Variants in IKBKB observed in about 807,000 individuals in gnomAD.
IKBKB encodes the protein inhibitor of nuclear factor kappa B kinase subunit beta.
In IKBKB, 42 loss-of-function variants were observed where a neutral mutation model predicts 113.6. That is an observed-to-expected ratio of 0.37 (90% CI 0.29 to 0.48). IKBKB has a LOEUF of 0.48. Among genes scored for constraint, IKBKB ranks in the 20% least tolerant of loss-of-function variants. IKBKB has a pLI of 0.99. For synonymous variants in IKBKB, 296 were observed against 361.3 expected, an observed-to-expected ratio of 0.82 and a Z score of 2.05; for missense variants, 673 against 939.7, an observed-to-expected ratio of 0.72 and a Z score of 3.71.
rs1819312134 is a variant in IKBKB, at chr8:42,319,274, A to C, written c.1369A>C (p.Asn457His). 2 of 1,614,078 alleles carry C rather than the reference A, an allele frequency of 1.2e-6. 1 individual carries two copies. Among genetic ancestry groups the C allele is most frequent in the African/African-American group, 2.7e-5 (2 of 75,034 alleles). ...LQQGQRAAMM[N>H]LLRNNSCLSK... ...TGTTCCTTGTGGTCCCTGCAGGATGAATCTCCTCCGAAACAACAGCTGCCT... is the reference window on the plus strand; with the variant it reads ...TGTTCCTTGTGGTCCCTGCAGGATGCATCTCCTCCGAAACAACAGCTGCCT... Residue 457 changes from asparagine (N) to histidine (H), a missense_variant, in exon 14 of 22, where the codon AAT becomes CAT. Physicochemically the swap from Asn to His is moderately conservative, Grantham distance 68. Around this residue, in one of 2 missense-constraint regions of IKBKB, gnomAD observed 506 missense variants for 638.7 expected, o/e 0.79. Transcript: ENST00000520810.
intron 8 of IKBKB, chr8:42,309,367 A>C: frequency 2.7e-6 from 1 of 366,798 alleles, no homozygotes; most frequent in Middle Eastern, 3.6e-4. Context: ...AAACAAATAA[A>C]ACACGTGTAC....
chr8:42,279,996 G>A (rs1299997813), intron 2 of IKBKB, among the ~76,000 whole-genome samples: 1 of 152,108 alleles, frequency 6.6e-6, no homozygotes, highest in African/African-American at 2.4e-5. Flanking sequence ...CTACAGGCGT[G>A]AGACACCACG....
At chr8:42,317,938 AAG>A (rs750455246) in intron 12 of IKBKB, among the ~76,000 whole-genome samples, 167 bp downstream of exon 12, 2 of 152,242 alleles carry the variant, frequency 1.3e-5, no homozygotes, top group Non-Finnish European at 1.5e-5. Context: ...GTAGCCAGGC[AAG>A]AGAGAGTACA....
intron 12 of IKBKB, 37 bp from the exon 13 acceptor site, chr8:42,318,515 G>C (rs1174132599): frequency 6.2e-7 from 1 of 1,604,286 alleles, no homozygotes; most frequent in Middle Eastern, 1.7e-4. Context: ...AGTTATTGTG[G>C]TTATTCTTTG....
rs2130744867 is a variant in IKBKB, at chr8:42,331,117, G to A, written c.*138G>A. 4 of 1,299,078 alleles carry A rather than the reference G, an allele frequency of 3.1e-6. No homozygotes were observed. Among genetic ancestry groups the A allele is most frequent in the Non-Finnish European group, 4.3e-6 (4 of 930,530 alleles). The allele number at this position is 1,299,078 out of a possible 1,614,324, so 80.5% of individuals were successfully genotyped here. A position where few individuals can be genotyped will look rare whatever the true frequency, so the allele number is the denominator to read the frequency against. On this transcript the variant is annotated 3_prime_UTR_variant, in exon 22 of 22. Transcript: ENST00000520810. Reference sequence around the variant, plus strand: ...TGCCTGGCCGCGGCTCTCACATGGTGGTTCCTGCTGCACTGATGGCCCAGG... The same window carrying A: ...TGCCTGGCCGCGGCTCTCACATGGTAGTTCCTGCTGCACTGATGGCCCAGG...
At position 42,317,867 on chromosome 8, in the gene IKBKB, G is replaced by A. The variant is rs17875715; in HGVS notation, c.1240+96G>A. The A allele has an allele frequency of 4.5e-3, 3,985 of 878,902 alleles. 28 individuals are homozygous for A. The highest frequency in any genetic ancestry group is 0.01 in the Middle Eastern group (47 of 4,594). 54.4% of individuals were successfully genotyped at this position (878,902 alleles called of 1,614,324 possible). A position where few individuals can be genotyped will look rare whatever the true frequency, so the allele number is the denominator to read the frequency against. ...ACTGGACTAAGGAAGGGGGAGCCAC[G>A]TAAAGGAAATTAATATCGCCAGTCC... On this transcript the variant is annotated intron_variant, in intron 12 of 21. Transcript: ENST00000520810.
chr8:42,278,254 G>A (rs906402659), intron 2 of IKBKB, among the ~76,000 whole-genome samples: 43 of 152,344 alleles, frequency 2.8e-4, no homozygotes, highest in Admixed American at 2.7e-3. Context: ...CAGCGTGGCC[G>A]GAAGGGAGGA....
rs1563379628 is a variant in IKBKB at position 42,330,995 on chromosome 8, C to A, written c.*16C>A. On this transcript the variant is annotated 3_prime_UTR_variant, in exon 22 of 22. Coordinates refer to ENST00000520810, the MANE Select transcript of IKBKB (RefSeq NM_001556.3). Reference sequence around the variant, plus strand: ...GGCCTCATGATGTGGGGGGACTCGACCCCCTGACATGGGGCAGCCCATAGC... The same window carrying A: ...GGCCTCATGATGTGGGGGGACTCGAACCCCTGACATGGGGCAGCCCATAGC... 3.1e-6 allele frequency: 5 copies of A among 1,602,932 alleles called. No homozygotes were observed. The highest frequency in any genetic ancestry group is 4.3e-6 in the Non-Finnish European group (5 of 1,171,964).
intron 2 of IKBKB, among the ~76,000 whole-genome samples, chr8:42,275,065 CAG>C (rs1172258288): frequency 1.3e-5 from 2 of 151,796 alleles, no homozygotes; most frequent in African/African-American, 4.8e-5. Flanking sequence ...TTAGTAGAGA[CAG>C]GGTTTTACCA....
Position 42,271,334 on chromosome 8 carries a change from C to A in IKBKB, c.-154C>A, listed in dbSNP as rs2272731. On this transcript the variant is annotated 5_prime_UTR_variant, in exon 1 of 22. Coordinates refer to ENST00000520810, the MANE Select transcript of IKBKB (RefSeq NM_001556.3). ...CAGAGCAGGAAGTGTTTGAGGAAGTCGCGCCGCGCTGCCCGCGTTAAGATT... is the reference window on the plus strand; with the variant it reads ...CAGAGCAGGAAGTGTTTGAGGAAGTAGCGCCGCGCTGCCCGCGTTAAGATT... 1 of 1,151,778 alleles carries A rather than the reference C, an allele frequency of 8.7e-7. No individual in the cohort carries two copies. Among genetic ancestry groups the A allele is most frequent in the Non-Finnish European group, 1.3e-6 (1 of 796,518 alleles). 71.3% of individuals were successfully genotyped at this position (1,151,778 alleles called of 1,614,324 possible).
intron 3 of IKBKB, among the ~76,000 whole-genome samples, chr8:42,289,131 C>A (rs950030035): frequency 6.6e-6 from 1 of 152,176 alleles, no homozygotes; most frequent in East Asian, 1.9e-4. Flanking sequence ...AGGAGAATGG[C>A]GTGAACCCAG....
At chr8:42,282,025 C>G (rs1303100155) in intron 2 of IKBKB, among the ~76,000 whole-genome samples, 1 of 152,184 alleles carries the variant, frequency 6.6e-6, no homozygotes, top group Non-Finnish European at 1.5e-5. Flanking sequence ...TTTTTTACAC[C>G]TTATGACACA....
At chr8:42,327,837 T>C in intron 20 of IKBKB, among the ~76,000 whole-genome samples, 1 of 6,852 alleles carries the variant, frequency 1.5e-4, no homozygotes, top group African/African-American at 1.8e-4. Flanking sequence ...GGAGTCTCGC[T>C]CTGTTGCCCA....
intron 8 of IKBKB, among the ~76,000 whole-genome samples, chr8:42,312,577 T>C (rs1465652187): frequency 6.6e-6 from 1 of 152,272 alleles, no homozygotes; most frequent in African/African-American, 2.4e-5. Flanking sequence ...AAAGCCACTT[T>C]GAAATATATT....
intron 5 of IKBKB, chr8:42,298,324 C>G: frequency 1.0e-6 from 1 of 985,430 alleles, no homozygotes; most frequent in Non-Finnish European, 1.2e-6. Flanking sequence ...GTGACACCAT[C>G]CTGTGCTCCA....
rs902449262 is a variant in IKBKB, at chr8:42,272,014, T to C, written c.-18-69T>C. 3 of 1,486,588 alleles carry C rather than the reference T, an allele frequency of 2.0e-6. No individual in the cohort carries two copies. In the African/African-American group the frequency reaches 4.2e-5, roughly 21 times the overall value. 92.1% of individuals were successfully genotyped at this position (1,486,588 alleles called of 1,614,324 possible). A position where few individuals can be genotyped will look rare whatever the true frequency, so the allele number is the denominator to read the frequency against. On this transcript the variant is annotated intron_variant, in intron 1 of 21. Coordinates refer to ENST00000520810, the MANE Select transcript of IKBKB (RefSeq NM_001556.3). ...TCAAGAGCAGTGGTATCTCTTGCCT[T>C]CTCCATCCCTTTGAGCTCCATTTTT...
At chr8:42,295,037 T>G (rs1205935174) in intron 5 of IKBKB, among the ~76,000 whole-genome samples, 1 of 152,172 alleles carries the variant, frequency 6.6e-6, no homozygotes, top group Non-Finnish European at 1.5e-5. Context: ...TTATTTTTTT[T>G]TTGGATGTTT....
rs552663238 is a variant in IKBKB, at chr8:42,273,155, A to G, written c.105+950A>G. On this transcript the variant is annotated intron_variant, in intron 2 of 21. Coordinates refer to ENST00000520810, the MANE Select transcript of IKBKB (RefSeq NM_001556.3). Reference sequence around the variant, plus strand: ...TTAAATGTCGGGTGCAGTGGCTTACACCTGTAATCCCAGCACTTTGGGAGG... The same window carrying G: ...TTAAATGTCGGGTGCAGTGGCTTACGCCTGTAATCCCAGCACTTTGGGAGG... 2.0e-3 allele frequency among the ~76,000 whole-genome samples: 298 copies of G among 151,932 alleles called. 3 individuals are homozygous for G. In the Middle Eastern group the frequency reaches 0.024, roughly 12 times the overall value.
intron 13 of IKBKB, 125 bp from the exon 14 acceptor site, chr8:42,319,145 A>G (rs769433894): frequency 1.5e-4 from 124 of 848,770 alleles, no homozygotes; most frequent in Non-Finnish European, 2.2e-4. Flanking sequence ...TGCTATAATA[A>G]TAGTGATGAT....
Sources: allele counts gnomAD v4.1 joint callset (sites outside exome capture counted in the v4.1 genomes callset), GRCh38; gene constraint gnomAD v4.1.1; regional missense constraint gnomAD v4.1.1; transcripts MANE v1.5; gene names NCBI Gene and HGNC (gene_info 2026-07-23, HGNC 2026-07-21).